The following SLC2A7 variants were observed in gnomAD, a reference collection of about 807,000 sequenced individuals.
SLC2A7 encodes the protein solute carrier family 2 member 7.
A neutral mutation model predicts 50.5 loss-of-function variants in SLC2A7; 50 were observed. The observed-to-expected ratio is 0.99, with a 90% CI of 0.79 to 1.25. The LOEUF is 1.25. SLC2A7 is among the 50% of genes most tolerant of loss of function. The pLI is 0.00. For missense variants in SLC2A7, 683 were observed against 679.1 expected, an observed-to-expected ratio of 1.01 and a Z score of -0.06; for synonymous variants, 308 against 300.4, an observed-to-expected ratio of 1.03 and a Z score of -0.26.
intron 8 of SLC2A7, among the ~76,000 whole-genome samples, chr1:9,011,885 G>A (rs1640756104): frequency 6.6e-6 from 1 of 151,576 alleles, no homozygotes; most frequent in Non-Finnish European, 1.5e-5. Flanking sequence ...GAGTAGCTGG[G>A]ATTACAGGCA....
At chr1:8,997,693 C>G in the SLC2A7 span, among the ~76,000 whole-genome samples, 1,019 of 152,198 alleles carry the variant, frequency 6.7e-3, 12 homozygotes, top group African/African-American at 0.023. Context: ...CCACGGCGCC[C>G]GGCCAGCTTT....
intron 3 of SLC2A7, among the ~76,000 whole-genome samples, chr1:9,021,465 A>G (rs1309469717): frequency 6.6e-6 from 1 of 152,038 alleles, no homozygotes; most frequent in African/African-American, 2.4e-5. Flanking sequence ...GACCGCTGGG[A>G]CCCTGAGTGA....
intron 10 of SLC2A7, among the ~76,000 whole-genome samples, chr1:9,005,356 T>C (rs1432688571): frequency 6.6e-6 from 1 of 152,214 alleles, no homozygotes; most frequent in Non-Finnish European, 1.5e-5. Context: ...CAACTGTTTT[T>C]CATTATCGCT....
chr1:8,992,643 A>G, the SLC2A7 span, among the ~76,000 whole-genome samples: 3 of 152,166 alleles, frequency 2.0e-5, no homozygotes, highest in East Asian at 3.8e-4. Flanking sequence ...GAAAATCCAG[A>G]ACACACAAGT....
intron 4 of SLC2A7, among the ~76,000 whole-genome samples, chr1:9,019,005 G>A (rs1037569355): frequency 3.3e-5 from 5 of 152,086 alleles, no homozygotes; most frequent in Non-Finnish European, 7.4e-5. Context: ...AACACAGTGA[G>A]GCTCTGTCTC....
downstream of SLC2A7, among the ~76,000 whole-genome samples, chr1:8,998,123 G>A (rs747238803): frequency 5.3e-5 from 8 of 152,144 alleles, no homozygotes; most frequent in Non-Finnish European, 1.0e-4. Context: ...GTTGTCTGAG[G>A]CCAGGCGTGG....
chr1:9,013,720 C>A, intron 7 of SLC2A7, 85 bp from the exon 8 acceptor site: 1 of 1,196,746 alleles, frequency 8.4e-7, no homozygotes, highest in African/African-American at 1.5e-5. Context: ...ACACACAGTT[C>A]TGCAAGCCTG....
chr1:9,000,412 A>G (rs1240412094), downstream of SLC2A7, among the ~76,000 whole-genome samples: 1 of 152,004 alleles, frequency 6.6e-6, no homozygotes, highest in Non-Finnish European at 1.5e-5. Context: ...TGAGGTTGGG[A>G]GTTCAAAACC....
intron 8 of SLC2A7, among the ~76,000 whole-genome samples, chr1:9,011,220 G>C (rs1640744242): frequency 6.6e-6 from 1 of 152,202 alleles, no homozygotes; most frequent in African/African-American, 2.4e-5. Context: ...ACCAACCCTG[G>C]GGCTTCCCCG....
chr1:9,021,258 C>A (rs906306646), intron 3 of SLC2A7, among the ~76,000 whole-genome samples: 2 of 152,170 alleles, frequency 1.3e-5, no homozygotes, highest in Non-Finnish European at 2.9e-5. Context: ...GATTGGCTCA[C>A]CTCAGCCTCC....
In SLC2A7 at chr1:9,025,074, G is replaced by A. The variant is rs1271974263; in HGVS notation, c.52C>T (p.Arg18Trp). The change falls in exon 2 of 12, where the codon CGG becomes TGG. Residue 18 changes from arginine (R) to tryptophan (W), a missense_variant and splice_region_variant. Physicochemically the swap from Arg to Trp is moderately radical, Grantham distance 101. Coordinates refer to ENST00000400906, the MANE Select transcript of SLC2A7 (RefSeq NM_207420.3). ...TPPPIPSREG[R>W]LQPTLLLATL... Reference sequence around the variant, plus strand: ...GCCAGCAACAGCGTCGGCTGGAGCCGCTGTAGGAGACAAGTCCAAGGTCGG... The same window carrying A: ...GCCAGCAACAGCGTCGGCTGGAGCCACTGTAGGAGACAAGTCCAAGGTCGG... The A allele has an allele frequency of 6.2e-6, 10 of 1,613,468 alleles. No homozygotes were observed. The highest frequency in any genetic ancestry group is 1.3e-5 in the African/African-American group (1 of 74,946).
downstream of SLC2A7, among the ~76,000 whole-genome samples, chr1:8,998,363 C>A (rs901060863): frequency 2.0e-5 from 3 of 152,164 alleles, no homozygotes; most frequent in Admixed American, 6.5e-5. Context: ...CGAGATCACA[C>A]CACTGCACTC....
chr1:9,021,246 G>A (rs776925886), intron 3 of SLC2A7, among the ~76,000 whole-genome samples: 1 of 152,186 alleles, frequency 6.6e-6, no homozygotes, highest in Non-Finnish European at 1.5e-5. Context: ...TTAGCCTGAA[G>A]TGATTGGCTC....
At chr1:9,023,227 T>A in intron 2 of SLC2A7, 149 bp from the exon 3 acceptor site, 1 of 671,670 alleles carries the variant, frequency 1.5e-6, no homozygotes, top group Non-Finnish European at 2.4e-6. Context: ...TCCCTACTAT[T>A]ACCTGAGAAT....
chr1:9,014,693 C>G lies in SLC2A7; in HGVS notation c.891G>C (p.Ser297=), dbSNP rs761307002. The change falls in exon 7 of 12, where the codon TCG becomes TCC. Residue 297 remains serine (S), a synonymous_variant. Coordinates refer to ENST00000400906, the MANE Select transcript of SLC2A7 (RefSeq NM_207420.3). The part of the protein sequence containing the change: ...IIVLMAGQQL[S]GINAINYYAD... ...CCGTCCCACATACCGCATTGATGCC[C>G]GACAGCTGCTGGCCGGCCATGAGCA... The G allele has an allele frequency of 6.4e-6, 10 of 1,557,350 alleles. No homozygotes were observed. Among genetic ancestry groups the G allele is most frequent in the Non-Finnish European group, 8.7e-6 (10 of 1,150,486 alleles).
chr1:9,021,934 A>G (rs1225154909), intron 3 of SLC2A7, among the ~76,000 whole-genome samples: 2 of 152,006 alleles, frequency 1.3e-5, no homozygotes, highest in East Asian at 3.9e-4. Context: ...GGTCTGGCTG[A>G]GAACATCACA....
rs546524714 is a variant in SLC2A7 at position 9,007,947 on chromosome 1, C to T, written c.1117-562G>A. ...AATTGTGGAAGCAGAGCACAGAGGG[C>T]CCTGAATACAGACCATGAGGAACCT... On this transcript the variant is annotated intron_variant, in intron 9 of 11. Transcript: ENST00000400906. 2.6e-3 allele frequency among the ~76,000 whole-genome samples: 394 copies of T among 152,046 alleles called. 1 individual carries two copies. The highest frequency in any genetic ancestry group is 3.7e-3 in the Non-Finnish European group (253 of 67,970).
At chr1:9,013,954 C>T (rs1640788213) in intron 7 of SLC2A7, among the ~76,000 whole-genome samples, 1 of 152,176 alleles carries the variant, frequency 6.6e-6, no homozygotes, top group Non-Finnish European at 1.5e-5. Context: ...AGCTCAGATC[C>T]CAAAGAATGA....
chr1:9,021,737 C>T lies in SLC2A7; in HGVS notation c.311+1181G>A, dbSNP rs375161636. Among the ~76,000 whole-genome samples, 77 of 152,328 alleles carry T rather than the reference C, an allele frequency of 5.1e-4. 2 individuals carry two copies. The East Asian group carries it at 0.01, about 21-fold the overall frequency. ...CCAAAAAGACTAAGCAGCCCCGACACGTTCCCACCCTTCTCTGGACTCCCA... is the reference window on the plus strand; with the variant it reads ...CCAAAAAGACTAAGCAGCCCCGACATGTTCCCACCCTTCTCTGGACTCCCA... On this transcript the variant is annotated intron_variant, in intron 3 of 11. Coordinates refer to ENST00000400906, the MANE Select transcript of SLC2A7 (RefSeq NM_207420.3).
Sources: allele counts gnomAD v4.1 joint callset (sites outside exome capture counted in the v4.1 genomes callset), GRCh38; gene constraint gnomAD v4.1.1; transcripts MANE v1.5; gene names NCBI Gene and HGNC (gene_info 2026-07-23, HGNC 2026-07-21).